The following NAALADL2 variants were observed in gnomAD, a reference collection of about 807,000 sequenced individuals.
NAALADL2 encodes the protein inactive N-acetylated-alpha-linked acidic dipeptidase-like protein 2.
In NAALADL2, 76 loss-of-function variants were observed where a neutral mutation model predicts 87.2. The ratio of observed to expected loss-of-function variants is 0.87; its 90% CI spans 0.72 to 1.05. The LOEUF is 1.05. NAALADL2 is among the 50% of genes least tolerant of loss of function. The probability of loss-of-function intolerance (pLI) is 0.00; values close to 1 mark genes in which losing one functional copy is unlikely to be tolerated. For synonymous variants in NAALADL2, 354 were observed against 331.0 expected, an observed-to-expected ratio of 1.07 and a Z score of -0.75; for missense variants, 1,089 against 945.8, an observed-to-expected ratio of 1.15 and a Z score of -1.99.
At chr3:174,945,930 C>A (rs1220600382) in intron 1 of NAALADL2, among the ~76,000 whole-genome samples, 2 of 151,206 alleles carry the variant, frequency 1.3e-5, no homozygotes, top group African/African-American at 2.4e-5. Flanking sequence ...CCTGCGGTCC[C>A]AGCTGATTGG....
intron 11 of NAALADL2, among the ~76,000 whole-genome samples, chr3:175,646,333 T>A (rs1340881988): frequency 6.6e-6 from 1 of 152,042 alleles, no homozygotes; most frequent in Non-Finnish European, 1.5e-5. Context: ...AATAATATCA[T>A]TACACTTAAC....
chr3:174,526,626 G>A (rs1444970506), intron 1 of NAALADL2, among the ~76,000 whole-genome samples: 1 of 151,750 alleles, frequency 6.6e-6, no homozygotes, highest in African/African-American at 2.4e-5. Flanking sequence ...TTAAAAAATA[G>A]CCAGCTAACT....
intron 3 of NAALADL2, among the ~76,000 whole-genome samples, chr3:174,752,969 T>C (rs1278561422): frequency 6.6e-6 from 1 of 152,234 alleles, no homozygotes; most frequent in Non-Finnish European, 1.5e-5. Context: ...ATTCTAATAG[T>C]AACTTTTTCT....
intron 3 of NAALADL2, among the ~76,000 whole-genome samples, chr3:174,844,869 G>A (rs1724429273): frequency 1.2e-5 from 1 of 81,000 alleles, no homozygotes; most frequent in South Asian, 4.2e-4. Context: ...TTTTGGGGGA[G>A]TCTTTAGGGT....
chr3:175,340,310 T>C (rs1581489991), intron 5 of NAALADL2, among the ~76,000 whole-genome samples: 3 of 152,194 alleles, frequency 2.0e-5, no homozygotes, highest in Admixed American at 6.5e-5. Context: ...AATATGGCTG[T>C]CTTTTCCTAG....
chr3:175,355,044 G>GTC (rs1764208228), intron 5 of NAALADL2, among the ~76,000 whole-genome samples: 1 of 149,886 alleles, frequency 6.7e-6, no homozygotes, highest in Non-Finnish European at 1.5e-5. Flanking sequence ...GTGTGTGTGT[G>GTC]TGTGTGTGTG....
chr3:175,105,049 G>C (rs9290530), intron 2 of NAALADL2, among the ~76,000 whole-genome samples: 19,533 of 152,070 alleles, frequency 0.13, 1,442 homozygotes, highest in African/African-American at 0.2. Flanking sequence ...AAAGATTGTT[G>C]ACAGTGGGGC....
chr3:175,782,830 T>G (rs1413776750), intron 13 of NAALADL2, among the ~76,000 whole-genome samples: 1 of 148,470 alleles, frequency 6.7e-6, no homozygotes, highest in South Asian at 2.1e-4. Flanking sequence ...AGGTTTTTTA[T>G]GGTTTTAGGT....
rs1322694208 is a variant in NAALADL2 at position 175,384,920 on chromosome 3, G to GA, written c.1090+60601dup. Among the ~76,000 whole-genome samples the GA allele has an allele frequency of 2.0e-5, 3 of 151,740 alleles. No individual in the cohort carries two copies. In the East Asian group the frequency reaches 5.8e-4, roughly 29 times the overall value. On this transcript the variant is annotated intron_variant, in intron 5 of 13. Transcript: ENST00000454872. ...AATGCAGTGTTTTTTTCACCATGCA[G>GA]AAAAAAGTAAAATAATGAGCTGCTA...
At chr3:175,054,470 T>A (rs891711915) in intron 1 of NAALADL2, among the ~76,000 whole-genome samples, 1 of 152,210 alleles carries the variant, frequency 6.6e-6, no homozygotes, top group Non-Finnish European at 1.5e-5. Context: ...CTTAAGTCAG[T>A]TAACATTCTC....
chr3:175,117,746 C>A (rs865776189), intron 2 of NAALADL2, among the ~76,000 whole-genome samples: 1 of 152,000 alleles, frequency 6.6e-6, no homozygotes, highest in Admixed American at 6.6e-5. Flanking sequence ...TACCATTTGA[C>A]CCAGCAATTC....
At chr3:174,534,419 G>A (rs1395545831) in intron 1 of NAALADL2, among the ~76,000 whole-genome samples, 1 of 152,044 alleles carries the variant, frequency 6.6e-6, no homozygotes, top group Non-Finnish European at 1.5e-5. Flanking sequence ...TCCAGATATT[G>A]GGCAAATTAT....
intron 11 of NAALADL2, among the ~76,000 whole-genome samples, chr3:175,717,931 T>C (rs1352011939): frequency 6.7e-6 from 1 of 150,020 alleles, no homozygotes; most frequent in African/African-American, 2.4e-5. Flanking sequence ...TGCCTCAGCC[T>C]CCAGAGAAGC....
intron 1 of NAALADL2, among the ~76,000 whole-genome samples, chr3:174,890,987 A>G (rs963351911): frequency 9.2e-5 from 14 of 152,088 alleles, no homozygotes; most frequent in East Asian, 1.9e-4. Context: ...ATAGGAAACT[A>G]TCTCTTCTAA....
intron 1 of NAALADL2, among the ~76,000 whole-genome samples, chr3:174,947,882 A>G (rs12486570): frequency 0.27 from 41,363 of 151,974 alleles, 6,130 homozygotes; most frequent in East Asian, 0.48. Flanking sequence ...AATAACAAAT[A>G]TATTTTATTT....
At chr3:175,529,685 A>G (rs1733852642) in intron 9 of NAALADL2, among the ~76,000 whole-genome samples, 1 of 152,128 alleles carries the variant, frequency 6.6e-6, no homozygotes, top group Non-Finnish European at 1.5e-5. Flanking sequence ...AGTGAATTTC[A>G]TGAGCATGAG....
chr3:175,591,165 A>G (rs754192843), intron 10 of NAALADL2, among the ~76,000 whole-genome samples: 14 of 152,294 alleles, frequency 9.2e-5, no homozygotes, highest in Non-Finnish European at 1.5e-4. Flanking sequence ...AGTGGAAGGT[A>G]TAGAGTCCTG....
chr3:174,966,300 A>G (rs1434571031), intron 1 of NAALADL2, among the ~76,000 whole-genome samples: 4 of 152,276 alleles, frequency 2.6e-5, no homozygotes, highest in Admixed American at 2.0e-4. Flanking sequence ...TACATCCCCA[A>G]TGATGGCAAA....
chr3:174,498,412 T>C (rs1007969961), intron 1 of NAALADL2, among the ~76,000 whole-genome samples: 52 of 152,072 alleles, frequency 3.4e-4, no homozygotes, highest in African/African-American at 1.2e-3. Context: ...AGATAAGCTT[T>C]AGTAAGCTTC....
Sources: allele counts gnomAD v4.1 joint callset (sites outside exome capture counted in the v4.1 genomes callset), GRCh38; gene constraint gnomAD v4.1.1; transcripts MANE v1.5; gene names NCBI Gene and HGNC (gene_info 2026-07-23, HGNC 2026-07-21).